Variants in TMEM185A observed in about 807,000 individuals in gnomAD.
TMEM185A encodes the protein transmembrane protein 185A.
Under a neutral mutation model 25.0 loss-of-function variants are expected in TMEM185A, and 9 were observed. That is an observed-to-expected ratio of 0.36 (90% CI 0.22 to 0.63). The LOEUF is 0.63. Ranked by LOEUF, TMEM185A falls within the 20% of genes least tolerant of loss-of-function variation. The pLI is 0.68. For synonymous variants in TMEM185A, 45 were observed against 93.5 expected (o/e 0.48, Z 2.99); for missense variants, 103 against 237.4 (o/e 0.43, Z 3.72).
chrX:149,616,119 TCA>T (rs1225182659), intron 1 of TMEM185A, among the ~76,000 whole-genome samples: 1 of 111,995 alleles, frequency 8.9e-6, no homozygotes, highest in Non-Finnish European at 1.9e-5. Context: ...CCAAATACCA[TCA>T]CACTGGGGAC....
chrX:149,621,049 T>C (rs2090137338), intron 1 of TMEM185A, among the ~76,000 whole-genome samples: 1 of 112,119 alleles, frequency 8.9e-6, no homozygotes, highest in Non-Finnish European at 1.9e-5. Flanking sequence ...ACAAATATAA[T>C]TACCAGAAAC....
intron 3 of TMEM185A, among the ~76,000 whole-genome samples, chrX:149,607,687 T>C (rs1348387025): frequency 8.9e-6 from 1 of 112,451 alleles, no homozygotes; most frequent in Non-Finnish European, 1.9e-5. Flanking sequence ...AAATGTTTAT[T>C]GAATGAATAA....
chrX:149,606,967 G>A (rs2071185), intron 3 of TMEM185A, among the ~76,000 whole-genome samples: 2 of 111,681 alleles, frequency 1.8e-5, no homozygotes, highest in East Asian at 5.6e-4. Context: ...ATATAAACTG[G>A]GAATTGTAGG....
At chrX:149,619,477 A>G (rs1258611946) in intron 1 of TMEM185A, among the ~76,000 whole-genome samples, 2 of 107,895 alleles carry the variant, frequency 1.9e-5, no homozygotes, top group African/African-American at 6.7e-5. Context: ...ATCTTTTATT[A>G]TAGTATTTTT....
At chrX:149,614,363 T>C (rs1203325207) in intron 1 of TMEM185A, among the ~76,000 whole-genome samples, 1 of 112,067 alleles carries the variant, frequency 8.9e-6, no homozygotes, top group Non-Finnish European at 1.9e-5. Flanking sequence ...AAAAATATTT[T>C]GGACTAAAGG....
At chrX:149,624,684 T>G (rs782231496) in intron 1 of TMEM185A, among the ~76,000 whole-genome samples, 1 of 112,115 alleles carries the variant, frequency 8.9e-6, no homozygotes, top group East Asian at 2.8e-4. Flanking sequence ...CTCTTACACC[T>G]TATTAACCAA....
rs1211889782 is a variant in TMEM185A, at chrX:149,599,379, G to A, written c.808+175C>T. ...CAGGCCAGCAGAACACCAGAGTTAC[G>A]GCATGCCCTTCCCTTAGAAGGTCCC... On this transcript the variant is annotated intron_variant, in intron 6 of 6. Transcript: ENST00000600449. Among the ~76,000 whole-genome samples, 605 of 101,523 alleles carry A rather than the reference G, an allele frequency of 6.0e-3. 10 individuals are homozygous for A. The highest frequency in any genetic ancestry group is 0.023 in the African/African-American group (575 of 25,304). 88.2% of individuals were successfully genotyped at this position (101,523 alleles called of 115,157 possible).
Position 149,631,729 on chromosome X carries a change from T to TCGCCGCCGCCGCCGCCGCCGCCGC in TMEM185A, c.-150_-149insGCGGCGGCGGCGGCGGCGGCGGCG, listed in dbSNP as rs1368795487. On this transcript the variant is annotated 5_prime_UTR_variant, in exon 1 of 7. Coordinates refer to ENST00000600449, the MANE Select transcript of TMEM185A (RefSeq NM_032508.4). ...GCTGCCGTCCCCGCTGCCGTCGCCG[T>TCGCCGCCGCCGCCGCCGCCGCCGC]CGCCGTCGCCGCCGCCGCCGCCGCC... 2.3e-6 allele frequency: 1 copy of TCGCCGCCGCCGCCGCCGCCGCCGC among 438,362 alleles called. No homozygotes were observed. Among genetic ancestry groups the TCGCCGCCGCCGCCGCCGCCGCCGC allele is most frequent in the East Asian group, 6.4e-5 (1 of 15,725 alleles). The allele number at this position is 438,362 out of a possible 1,213,427, so 36.1% of individuals were successfully genotyped here.
At chrX:149,604,552 C>G (rs782330697) in intron 3 of TMEM185A, among the ~76,000 whole-genome samples, 17 of 111,494 alleles carry the variant, frequency 1.5e-4, no homozygotes, top group African/African-American at 5.2e-4. Context: ...TTAACCCCAC[C>G]TATTCCATTG....
rs1375021656 is a variant in TMEM185A at position 149,599,570 on chromosome X, C to T, written c.792G>A (p.Gln264=). ...LITLMATTFG[Q]KGGNHWWFGI... is the part of the protein sequence containing the mutation. ...AGTACATACAGTGGTTTCCTCCCTT[C>T]TGTCCAAATGTGGTTGCCATCAGCG... is the stretch of plus-strand genomic sequence containing the variant. Residue 264 remains glutamine (Q), a synonymous_variant, in exon 6 of 7, where the codon CAG becomes CAA. Coordinates refer to ENST00000600449, the MANE Select transcript of TMEM185A (RefSeq NM_032508.4). The T allele has an allele frequency of 2.5e-6, 3 of 1,188,679 alleles. No individual in the cohort carries two copies. The African/African-American group carries it at 5.4e-5, about 22-fold the overall frequency.
Position 149,624,931 on chromosome X carries a change from A to T in TMEM185A, c.38+6612T>A, listed in dbSNP as rs997459734. Among the ~76,000 whole-genome samples the T allele has an allele frequency of 1.5e-4, 17 of 112,047 alleles. 1 individual carries two copies. The Admixed American group carries it at 1.6e-3, about 11-fold the overall frequency. On this transcript the variant is annotated intron_variant, in intron 1 of 6. Coordinates refer to ENST00000600449, the MANE Select transcript of TMEM185A (RefSeq NM_032508.4). The stretch of plus-strand genomic sequence containing the variant: ...ATTCCTCATATACTGATTCATTAAG[A>T]CAAGGGTATGTGAAAGCACTGTGTA...
chrX:149,605,315 C>CCTCCCATGTCACTTT, intron 3 of TMEM185A: 1 of 86,641 alleles, frequency 1.2e-5, no homozygotes, highest in African/African-American at 4.9e-5. Context: ...GTCACTATGG[C>CCTCCCATGTCACTTT]CTCCCATGTC....
At chrX:149,599,462 C>T (rs1420942012) in intron 6 of TMEM185A, 92 bp downstream of exon 6, 2 of 806,117 alleles carry the variant, frequency 2.5e-6, no homozygotes, top group Non-Finnish European at 3.6e-6. Context: ...CCCTCGGGGA[C>T]TCATCCCTTC....
At chrX:149,627,565 TC>T (rs781981369) in intron 1 of TMEM185A, among the ~76,000 whole-genome samples, 3 of 112,158 alleles carry the variant, frequency 2.7e-5, no homozygotes, top group Non-Finnish European at 3.8e-5. Flanking sequence ...AGCTCAAAAG[TC>T]TGGCTCAAAA....
At chrX:149,624,989 G>C (rs1290552165) in intron 1 of TMEM185A, among the ~76,000 whole-genome samples, 1 of 112,252 alleles carries the variant, frequency 8.9e-6, no homozygotes, top group Non-Finnish European at 1.9e-5. Context: ...AGCTTTAGCA[G>C]TATTATGAAA....
At chrX:149,611,916 T>G (rs1338479504) in intron 1 of TMEM185A, among the ~76,000 whole-genome samples, 3 of 112,160 alleles carry the variant, frequency 2.7e-5, no homozygotes, top group Non-Finnish European at 1.9e-5. Context: ...AAGGCTGACA[T>G]GCTCTGAAAA....
intron 1 of TMEM185A, among the ~76,000 whole-genome samples, chrX:149,629,749 C>T (rs1437876652): frequency 8.9e-6 from 1 of 111,771 alleles, no homozygotes; most frequent in Non-Finnish European, 1.9e-5. Context: ...AAGGAAAAAA[C>T]GGTTAAAGGT....
intron 1 of TMEM185A, among the ~76,000 whole-genome samples, chrX:149,621,994 G>A (rs1395752436): frequency 8.9e-6 from 1 of 111,792 alleles, no homozygotes; most frequent in Non-Finnish European, 1.9e-5. Flanking sequence ...TTAGGATGTG[G>A]ACATACTTGG....
In TMEM185A at chrX:149,631,723, T is replaced by TCGCCGTCGCCGTCGCCGC. The variant is rs2090195879; in HGVS notation, c.-161_-144dup. On this transcript the variant is annotated 5_prime_UTR_variant, in exon 1 of 7. Coordinates refer to ENST00000600449, the MANE Select transcript of TMEM185A (RefSeq NM_032508.4). ...GCTACTGCTGCCGTCCCCGCTGCCG[T>TCGCCGTCGCCGTCGCCGC]CGCCGTCGCCGTCGCCGCCGCCGCC... The TCGCCGTCGCCGTCGCCGC allele has an allele frequency of 6.7e-6, 3 of 450,527 alleles. No homozygotes were observed. The highest frequency in any genetic ancestry group is 9.3e-5 in the South Asian group (1 of 10,745). 37.1% of individuals were successfully genotyped at this position (450,527 alleles called of 1,213,427 possible).
Sources: allele counts gnomAD v4.1 joint callset (sites outside exome capture counted in the v4.1 genomes callset), GRCh38; gene constraint gnomAD v4.1.1; transcripts MANE v1.5; gene names NCBI Gene and HGNC (gene_info 2026-07-23, HGNC 2026-07-21).